Variants in NCAM2 observed in about 807,000 individuals in gnomAD.
NCAM2 encodes the protein N-CAM-2.
A neutral mutation model predicts 98.1 loss-of-function variants in NCAM2; 30 were observed. That is an observed-to-expected ratio of 0.31 (90% CI 0.23 to 0.41). The LOEUF is 0.41. Ranked by LOEUF, NCAM2 falls within the 10% of genes least tolerant of loss-of-function variation. NCAM2 has a pLI of 1.00. For synonymous variants in NCAM2, 368 were observed against 342.4 expected (o/e 1.07, Z -0.83); for missense variants, 867 against 1,005.8 (o/e 0.86, Z 1.87).
At chr21:21,457,713 C>T (rs1280313102) in intron 12 of NCAM2, among the ~76,000 whole-genome samples, 1 of 151,486 alleles carries the variant, frequency 6.6e-6, no homozygotes, top group African/African-American at 2.4e-5. Context: ...TAAGTTACAA[C>T]TTGTGTGTGA....
At chr21:21,157,588 A>G (rs1003658644) in intron 1 of NCAM2, among the ~76,000 whole-genome samples, 7 of 152,140 alleles carry the variant, frequency 4.6e-5, no homozygotes, top group Non-Finnish European at 7.4e-5. Context: ...AATTAATTTA[A>G]TTACACTTTG....
At chr21:21,483,069 T>TA (rs1171661964) in intron 15 of NCAM2, among the ~76,000 whole-genome samples, 3 of 152,120 alleles carry the variant, frequency 2.0e-5, no homozygotes, top group Non-Finnish European at 2.9e-5. Context: ...ATCTAATGTT[T>TA]AAAAAAATCC....
chr21:21,180,334 A>C (rs115955799), intron 1 of NCAM2, among the ~76,000 whole-genome samples: 1,698 of 152,274 alleles, frequency 0.011, 35 homozygotes, highest in African/African-American at 0.039. Flanking sequence ...TTTTAATCAG[A>C]TCTATTTGCT....
In NCAM2 at chr21:21,447,511, G is replaced by A. The variant is rs553525799; in HGVS notation, c.1654+15230G>A. Among the ~76,000 whole-genome samples, 10 of 152,056 alleles carry A rather than the reference G, an allele frequency of 6.6e-5. No individual in the cohort carries two copies. The South Asian group carries it at 1.9e-3, about 28-fold the overall frequency. ...ATGGGCAAAAACTTCATGACGAAAA[G>A]CCAAAAGCAATTGCAACAAAAGCCA... On this transcript the variant is annotated intron_variant, in intron 12 of 17. Coordinates refer to ENST00000400546, the MANE Select transcript of NCAM2 (RefSeq NM_004540.5).
At chr21:21,503,409 T>G (rs1037000109) in intron 15 of NCAM2, among the ~76,000 whole-genome samples, 5 of 151,742 alleles carry the variant, frequency 3.3e-5, no homozygotes, top group Admixed American at 2.0e-4. Context: ...CCTAAGTAAC[T>G]AAGAGGTGGG....
intron 1 of NCAM2, among the ~76,000 whole-genome samples, chr21:21,177,652 A>G (rs1395819016): frequency 6.6e-6 from 1 of 152,032 alleles, no homozygotes; most frequent in Non-Finnish European, 1.5e-5. Flanking sequence ...ATAAAAAGTA[A>G]TGCCATGTTA....
intron 1 of NCAM2, among the ~76,000 whole-genome samples, chr21:21,261,584 G>T (rs1300871240): frequency 2.0e-5 from 3 of 152,114 alleles, no homozygotes; most frequent in African/African-American, 7.2e-5. Flanking sequence ...TAAACAACCT[G>T]TTCCTGATTG....
intron 1 of NCAM2, among the ~76,000 whole-genome samples, chr21:21,019,323 A>G (rs2064381289): frequency 6.6e-6 from 1 of 152,200 alleles, no homozygotes; most frequent in East Asian, 1.9e-4. Flanking sequence ...GTAGAGATGC[A>G]CACTTCAAAA....
At chr21:21,411,112 GTATATATATATACACATATA>G (rs1167786324) in intron 10 of NCAM2, among the ~76,000 whole-genome samples, 2 of 28,206 alleles carry the variant, frequency 7.1e-5, no homozygotes, top group African/African-American at 1.7e-4. Context: ...ACATATATAT[GTATATATATATACACATATA>G]TATGTATATA....
At chr21:21,530,526 G>A (rs931848414) in intron 16 of NCAM2, among the ~76,000 whole-genome samples, 4 of 150,244 alleles carry the variant, frequency 2.7e-5, no homozygotes, top group African/African-American at 9.8e-5. Context: ...GTGGTCTATA[G>A]TTTGTAAAAA....
intron 1 of NCAM2, among the ~76,000 whole-genome samples, chr21:21,262,154 C>A: frequency 6.6e-6 from 1 of 151,936 alleles, no homozygotes. Context: ...AAGAATGAAC[C>A]AGGAAGAAGT....
intron 5 of NCAM2, among the ~76,000 whole-genome samples, chr21:21,294,797 C>G (rs2073416823): frequency 7.1e-6 from 1 of 141,358 alleles, no homozygotes; most frequent in Non-Finnish European, 1.5e-5. Context: ...TTACTGGCTC[C>G]TTTTAAATAT....
At chr21:21,167,266 G>A (rs1012741373) in intron 1 of NCAM2, among the ~76,000 whole-genome samples, 19 of 151,724 alleles carry the variant, frequency 1.3e-4, no homozygotes, top group South Asian at 6.2e-4. Flanking sequence ...TTATCAGATC[G>A]CTAAAAATTT....
chr21:21,432,071 C>T (rs1347102013), intron 11 of NCAM2, 37 bp from the exon 12 acceptor site: 2 of 1,590,112 alleles, frequency 1.3e-6, no homozygotes, highest in South Asian at 2.2e-5. Context: ...ATTCCCATTC[C>T]CTTGGTTATG....
intron 1 of NCAM2, among the ~76,000 whole-genome samples, chr21:21,116,089 T>C (rs1454790468): frequency 6.6e-6 from 1 of 151,924 alleles, no homozygotes; most frequent in Non-Finnish European, 1.5e-5. Flanking sequence ...TGTTTGCACA[T>C]AGATGTACAG....
At chr21:21,462,901 A>G (rs1440681146) in intron 12 of NCAM2, among the ~76,000 whole-genome samples, 1 of 152,108 alleles carries the variant, frequency 6.6e-6, no homozygotes. Context: ...CTTAATTTAT[A>G]CTTTGTCCTT....
At chr21:21,365,612 A>G (rs928910195) in intron 8 of NCAM2, among the ~76,000 whole-genome samples, 2 of 152,074 alleles carry the variant, frequency 1.3e-5, no homozygotes, top group Non-Finnish European at 2.9e-5. Context: ...GATGACATAC[A>G]TGATGGTAGT....
At chr21:21,429,896 C>T (rs550921779) in intron 11 of NCAM2, among the ~76,000 whole-genome samples, 1 of 152,178 alleles carries the variant, frequency 6.6e-6, no homozygotes, top group South Asian at 2.1e-4. Flanking sequence ...ATGTGAAAGG[C>T]CGTAAAGCTG....
chr21:21,479,583 C>CAAAAAAAAAAAAAAAAAAAAAAAAA lies in NCAM2; in HGVS notation c.2077+2113_2077+2137dup, dbSNP rs1156588500. 6.8e-4 allele frequency among the ~76,000 whole-genome samples: 21 copies of CAAAAAAAAAAAAAAAAAAAAAAAAA among 30,960 alleles called. 1 individual carries two copies. The highest frequency in any genetic ancestry group is 1.1e-3 in the Non-Finnish European group (16 of 14,878). The allele number at this position is 30,960 out of a possible 152,430, so 20.3% of individuals were successfully genotyped here. ...TGGGAGACAGAGCGAGACTGCGTCT[C>CAAAAAAAAAAAAAAAAAAAAAAAAA]AAAAAAAAAAAAAAAAAAAAAAAAA... On this transcript the variant is annotated intron_variant, in intron 15 of 17. Coordinates refer to ENST00000400546, the MANE Select transcript of NCAM2 (RefSeq NM_004540.5).
Sources: gnomAD v4.1 joint callset for allele counts (sites outside exome capture counted in the v4.1 genomes callset) on GRCh38, gnomAD v4.1.1 for gene constraint, MANE v1.5 for transcripts, NCBI Gene and HGNC (gene_info 2026-07-23, HGNC 2026-07-21) for gene names.